ARHGAP6: variants seen among roughly 807,000 people sequenced by gnomAD.
ARHGAP6 encodes Rho GTPase activating protein 6.
In ARHGAP6, 16 loss-of-function variants were observed where a neutral mutation model predicts 55.7. The observed-to-expected ratio is 0.29, with a 90% CI of 0.19 to 0.44. ARHGAP6 has a LOEUF of 0.44. Ranked by LOEUF, ARHGAP6 falls within the 20% of genes least tolerant of loss-of-function variation. The probability of loss-of-function intolerance (pLI) is 1.00; values close to 1 mark genes in which losing one functional copy is unlikely to be tolerated. For missense variants in ARHGAP6, 698 were observed against 808.9 expected, an observed-to-expected ratio of 0.86 and a Z score of 1.66; for synonymous variants, 382 against 360.9, an observed-to-expected ratio of 1.06 and a Z score of -0.66.
At chrX:11,282,973 T>C (rs1381494044) in intron 1 of ARHGAP6, among the ~76,000 whole-genome samples, 1 of 112,267 alleles carries the variant, frequency 8.9e-6, no homozygotes, top group Non-Finnish European at 1.9e-5. Flanking sequence ...TTCTACCATG[T>C]TATGGTTTCA....
intron 1 of ARHGAP6, among the ~76,000 whole-genome samples, chrX:11,560,271 A>C (rs2051371544): frequency 8.9e-6 from 1 of 112,105 alleles, no homozygotes; most frequent in African/African-American, 3.2e-5. Flanking sequence ...GTAATGTGTA[A>C]ACAAATGCAT....
At chrX:11,565,968 C>T (rs755946503) in intron 1 of ARHGAP6, among the ~76,000 whole-genome samples, 4 of 112,024 alleles carry the variant, frequency 3.6e-5, no homozygotes, top group African/African-American at 9.7e-5. Flanking sequence ...GGCTATCAAA[C>T]GCAATATTCT....
At chrX:11,427,112 T>G (rs919246348) in intron 1 of ARHGAP6, among the ~76,000 whole-genome samples, 1 of 111,497 alleles carries the variant, frequency 9.0e-6, no homozygotes, top group African/African-American at 3.3e-5. Context: ...CGGCAGCATT[T>G]CTTCAGCAAA....
At chrX:11,374,650 T>G (rs747628286) in intron 1 of ARHGAP6, among the ~76,000 whole-genome samples, 6 of 112,357 alleles carry the variant, frequency 5.3e-5, no homozygotes, top group Admixed American at 3.8e-4. Flanking sequence ...GAGTATGTTG[T>G]CCCTGGAATG....
chrX:11,396,346 C>G (rs781711555), intron 1 of ARHGAP6, among the ~76,000 whole-genome samples: 1 of 110,375 alleles, frequency 9.1e-6, no homozygotes, highest in African/African-American at 3.3e-5. Context: ...ACCCAGCATG[C>G]CTGGTGTTTC....
chrX:11,609,207 G>A (rs1474115516), intron 1 of ARHGAP6, among the ~76,000 whole-genome samples: 3 of 111,924 alleles, frequency 2.7e-5, no homozygotes, highest in Non-Finnish European at 5.6e-5. Context: ...AGACCCTGGA[G>A]AAGTATGGGG....
intron 1 of ARHGAP6, among the ~76,000 whole-genome samples, chrX:11,445,893 C>T (rs1247510418): frequency 9.0e-6 from 1 of 110,794 alleles, no homozygotes; most frequent in Non-Finnish European, 1.9e-5. Flanking sequence ...ATAGGATGGG[C>T]CATGCACATT....
intron 1 of ARHGAP6, among the ~76,000 whole-genome samples, chrX:11,418,561 C>T (rs61132604): frequency 8.9e-6 from 1 of 112,046 alleles, no homozygotes; most frequent in East Asian, 2.8e-4. Context: ...TATATTAATA[C>T]ATTTACATAT....
At chrX:11,155,238 A>C (rs1036212947) in intron 10 of ARHGAP6, among the ~76,000 whole-genome samples, 24 of 112,587 alleles carry the variant, frequency 2.1e-4, no homozygotes, top group African/African-American at 7.8e-4. Flanking sequence ...GGAATAACTT[A>C]ACATGTGTTA....
chrX:11,496,483 G>A (rs1177111860), intron 1 of ARHGAP6, among the ~76,000 whole-genome samples: 2 of 111,609 alleles, frequency 1.8e-5, no homozygotes, highest in African/African-American at 6.5e-5. Context: ...ATAAATGAGG[G>A]ACATTCACAA....
At chrX:11,568,628 G>A in intron 1 of ARHGAP6, among the ~76,000 whole-genome samples, 1 of 110,194 alleles carries the variant, frequency 9.1e-6, no homozygotes, top group Middle Eastern at 4.6e-3. Context: ...ATGATGGCGG[G>A]CACCTGTAAT....
chrX:11,639,371 C>A, intron 1 of ARHGAP6, among the ~76,000 whole-genome samples: 1 of 109,463 alleles, frequency 9.1e-6, no homozygotes, highest in South Asian at 4.0e-4. Flanking sequence ...CAGCCCCCCA[C>A]CACCCGACAT....
At chrX:11,140,190 TA>T (rs374227493) in intron 12 of ARHGAP6, among the ~76,000 whole-genome samples, 20,809 of 97,650 alleles carry the variant, frequency 0.21, 1,759 homozygotes, top group Middle Eastern at 0.28. Flanking sequence ...AGGCCTGAAC[TA>T]AAAAAAAAAA....
At chrX:11,282,727 A>G (rs2047873062) in intron 1 of ARHGAP6, among the ~76,000 whole-genome samples, 1 of 112,283 alleles carries the variant, frequency 8.9e-6, no homozygotes, top group Non-Finnish European at 1.9e-5. Flanking sequence ...CAAGAGTTGG[A>G]GCCAATGCTT....
intron 1 of ARHGAP6, among the ~76,000 whole-genome samples, chrX:11,509,899 G>T (rs148639707): frequency 8.9e-6 from 1 of 111,848 alleles, no homozygotes; most frequent in African/African-American, 3.2e-5. Context: ...TGGTTTCATA[G>T]GCCCCACTTC....
intron 1 of ARHGAP6, among the ~76,000 whole-genome samples, chrX:11,257,945 G>A (rs902982986): frequency 1.8e-5 from 2 of 111,427 alleles, no homozygotes; most frequent in African/African-American, 3.3e-5. Context: ...AAAGGCAAAT[G>A]AGTTTGAGAA....
intron 1 of ARHGAP6, among the ~76,000 whole-genome samples, chrX:11,475,152 C>T (rs2050390655): frequency 2.7e-5 from 3 of 111,742 alleles, no homozygotes; most frequent in African/African-American, 9.8e-5. Context: ...AGTGGTTTAA[C>T]AGTATTCCAT....
intron 1 of ARHGAP6, among the ~76,000 whole-genome samples, chrX:11,504,058 G>C (rs202233144): frequency 9.1e-6 from 1 of 110,070 alleles, no homozygotes; most frequent in Non-Finnish European, 1.9e-5. Context: ...ATTTTTTTTG[G>C]GGGGGGGCTA....
At chrX:11,484,759 C>T (rs2050494773) in intron 1 of ARHGAP6, among the ~76,000 whole-genome samples, 1 of 111,960 alleles carries the variant, frequency 8.9e-6, no homozygotes, top group Admixed American at 9.4e-5. Context: ...TGCTTCTTGT[C>T]ATATAAATCA....
Sources: allele counts gnomAD v4.1 joint callset (sites outside exome capture counted in the v4.1 genomes callset), GRCh38; gene constraint gnomAD v4.1.1; transcripts MANE v1.5; gene names NCBI Gene and HGNC (gene_info 2026-07-23, HGNC 2026-07-21).